CHODL: variants seen among roughly 807,000 people sequenced by gnomAD.
CHODL encodes chondrolectin.
Under a neutral mutation model 34.5 loss-of-function variants are expected in CHODL, and 29 were observed. The observed-to-expected ratio is 0.84, with a 90% CI of 0.63 to 1.15. CHODL has a LOEUF of 1.15. Among genes scored for constraint, CHODL ranks in the 50% most tolerant of loss-of-function variants. The pLI, the probability that CHODL is intolerant of heterozygous loss-of-function variation, is 0.00. For synonymous variants in CHODL, 125 were observed against 116.1 expected, an observed-to-expected ratio of 1.08 and a Z score of -0.49; for missense variants, 332 against 332.5, an observed-to-expected ratio of 1.00 and a Z score of 0.01.
intron 4 of CHODL, among the ~76,000 whole-genome samples, chr21:18,261,725 G>A (rs964280383): frequency 2.6e-5 from 4 of 151,974 alleles, no homozygotes; most frequent in South Asian, 4.2e-4. Flanking sequence ...TTTTGAAATT[G>A]AGCAGATGTT....
Position 17,956,072 on chromosome 21 carries a change from T to C in CHODL, c.-145+38672T>C, listed in dbSNP as rs1360503620. On this transcript the variant is annotated intron_variant, in intron 1 of 6. Transcript: ENST00000400127. ...TCGAGTCAAAAGAGAAGCATCTCCATCTGATATAGTTTGAATATTTGTCTG... is the reference window on the plus strand; with the variant it reads ...TCGAGTCAAAAGAGAAGCATCTCCACCTGATATAGTTTGAATATTTGTCTG... Among the ~76,000 whole-genome samples the C allele has an allele frequency of 2.9e-5, 4 of 136,418 alleles. 1 individual carries two copies. Among genetic ancestry groups the C allele is most frequent in the African/African-American group, 1.0e-4 (4 of 39,830 alleles). The allele number at this position is 136,418 out of a possible 152,430, so 89.5% of individuals were successfully genotyped here.
chr21:18,149,821 G>A (rs57752067), intron 2 of CHODL, among the ~76,000 whole-genome samples: 2,220 of 152,250 alleles, frequency 0.015, 52 homozygotes, highest in African/African-American at 0.049. Flanking sequence ...GCAAACTACC[G>A]TAGACTGGAC....
chr21:18,193,467 G>A (rs560654255), intron 2 of CHODL, among the ~76,000 whole-genome samples: 23 of 151,838 alleles, frequency 1.5e-4, no homozygotes, highest in South Asian at 8.3e-4. Context: ...AGGCTGAGGC[G>A]GGCGGATCAC....
At chr21:18,193,496 C>T (rs906875461) in intron 2 of CHODL, among the ~76,000 whole-genome samples, 1 of 151,674 alleles carries the variant, frequency 6.6e-6, no homozygotes, top group African/African-American at 2.4e-5. Flanking sequence ...GAGTTTGAGA[C>T]CATCCTGCCC....
At chr21:18,003,451 A>G (rs996877088) in intron 1 of CHODL, among the ~76,000 whole-genome samples, 1 of 151,154 alleles carries the variant, frequency 6.6e-6, no homozygotes, top group Admixed American at 6.6e-5. Context: ...AAAAATGAAA[A>G]CCAATACTGA....
Position 18,231,489 on chromosome 21 carries a change from G to T in CHODL, c.-44-25020G>T, listed in dbSNP as rs139456590. Among the ~76,000 whole-genome samples, 4 of 152,104 alleles carry T rather than the reference G, an allele frequency of 2.6e-5. No homozygotes were observed. In the East Asian group the frequency reaches 7.7e-4, roughly 29 times the overall value. ...AAGCCTGAAGCCTTTCCAAAAATGGGGCTAGACAGAGCATTGAACTGGCCA... is the reference window on the plus strand; with the variant it reads ...AAGCCTGAAGCCTTTCCAAAAATGGTGCTAGACAGAGCATTGAACTGGCCA... On this transcript the variant is annotated intron_variant, in intron 2 of 6. Transcript: ENST00000400127.
At chr21:18,173,780 G>A (rs555100462) in intron 2 of CHODL, among the ~76,000 whole-genome samples, 12 of 151,862 alleles carry the variant, frequency 7.9e-5, no homozygotes, top group Admixed American at 3.9e-4. Flanking sequence ...CCATGAATGG[G>A]TTATTTTCTC....
intron 1 of CHODL, among the ~76,000 whole-genome samples, chr21:17,977,349 T>C (rs1469361965): frequency 6.7e-6 from 1 of 149,646 alleles, no homozygotes; most frequent in Non-Finnish European, 1.5e-5. Context: ...TGTTAAGGTG[T>C]TGTTGGCTGT....
At chr21:18,161,595 T>G (rs1310003905) in intron 2 of CHODL, among the ~76,000 whole-genome samples, 1 of 152,180 alleles carries the variant, frequency 6.6e-6, no homozygotes, top group Non-Finnish European at 1.5e-5. Context: ...ACTTTTTACT[T>G]TTTATTTTTT....
intron 1 of CHODL, among the ~76,000 whole-genome samples, chr21:18,025,247 T>G (rs570767094): frequency 6.6e-6 from 1 of 152,352 alleles, no homozygotes; most frequent in African/African-American, 2.4e-5. Context: ...TCAGACAGTC[T>G]GTGTCACTAC....
chr21:18,245,946 T>C, intron 1 of CHODL: 2 of 1,535,372 alleles, frequency 1.3e-6, no homozygotes, highest in South Asian at 2.4e-5. Flanking sequence ...GTATACTTGG[T>C]AATGACTGCA....
chr21:18,221,261 T>C (rs2073881043), intron 2 of CHODL, among the ~76,000 whole-genome samples: 1 of 152,160 alleles, frequency 6.6e-6, no homozygotes, highest in African/African-American at 2.4e-5. Context: ...TATCTCTTTA[T>C]TGAATTTCTC....
chr21:18,139,574 T>C (rs1039181745), intron 2 of CHODL, among the ~76,000 whole-genome samples: 19 of 152,098 alleles, frequency 1.2e-4, no homozygotes, highest in African/African-American at 4.6e-4. Context: ...CATGACCTCC[T>C]AGCTGACCAC....
chr21:18,252,008 C>A (rs1395213320), intron 1 of CHODL, among the ~76,000 whole-genome samples: 1 of 151,790 alleles, frequency 6.6e-6, no homozygotes, highest in Non-Finnish European at 1.5e-5. Flanking sequence ...TAATTAGCTC[C>A]TAGTGCACAT....
At chr21:17,984,487 A>G (rs1008384659) in intron 1 of CHODL, among the ~76,000 whole-genome samples, 12 of 152,072 alleles carry the variant, frequency 7.9e-5, no homozygotes, top group African/African-American at 2.9e-4. Context: ...TTTATATAGG[A>G]TAGATATTAA....
Position 18,251,479 on chromosome 21 carries a change from AT to A in CHODL, c.80-5026del, listed in dbSNP as rs1471872145. ...TTTATTTTATTTATTTTAATTATTT[AT>A]TTTAATATATAAAATAAATATTTAT... On this transcript the variant is annotated intron_variant, in intron 1 of 5. Coordinates refer to ENST00000299295, the MANE Select transcript of CHODL (RefSeq NM_024944.3). Among the ~76,000 whole-genome samples the A allele has an allele frequency of 5.5e-3, 498 of 91,152 alleles. 134 individuals are homozygous for A. The highest frequency in any genetic ancestry group is 0.028 in the African/African-American group (466 of 16,718). The allele number at this position is 91,152 out of a possible 152,430, so 59.8% of individuals were successfully genotyped here.
intron 2 of CHODL, among the ~76,000 whole-genome samples, chr21:18,038,324 A>C (rs2258385): frequency 0.15 from 22,280 of 151,628 alleles, 1,821 homozygotes; most frequent in Middle Eastern, 0.24. Context: ...AATCAAACAA[A>C]AGTAGACAAT....
At chr21:18,140,780 T>A (rs770726630) in intron 2 of CHODL, among the ~76,000 whole-genome samples, 8 of 152,122 alleles carry the variant, frequency 5.3e-5, no homozygotes, top group Non-Finnish European at 1.2e-4. Context: ...TATATAATTA[T>A]ATACATATAA....
chr21:18,164,037 C>T (rs1314402599), intron 2 of CHODL, among the ~76,000 whole-genome samples: 2 of 152,178 alleles, frequency 1.3e-5, no homozygotes, highest in Non-Finnish European at 2.9e-5. Flanking sequence ...TTACCAAATG[C>T]ATTAAACTTT....
Sources: allele counts gnomAD v4.1 joint callset (sites outside exome capture counted in the v4.1 genomes callset), GRCh38; gene constraint gnomAD v4.1.1; transcripts MANE v1.5; gene names NCBI Gene and HGNC (gene_info 2026-07-23, HGNC 2026-07-21).